The following FAM20B variants were observed in gnomAD, a reference collection of about 807,000 sequenced individuals.
The protein encoded by FAM20B is FAM20B glycosaminoglycan xylosylkinase, also known as glycosaminoglycan xylosylkinase.
Under a neutral mutation model 43.8 loss-of-function variants are expected in FAM20B, and 23 were observed. The observed-to-expected ratio is 0.53, with a 90% CI of 0.38 to 0.74. The LOEUF is 0.74. Among genes scored for constraint, FAM20B ranks in the 30% least tolerant of loss-of-function variants. The pLI is 0.00. For synonymous variants in FAM20B, 178 were observed against 192.4 expected (o/e 0.93, Z 0.62); for missense variants, 440 against 510.5 (o/e 0.86, Z 1.33).
At chr1:179,047,861 G>C (rs929858692) in intron 2 of FAM20B, among the ~76,000 whole-genome samples, 2 of 152,212 alleles carry the variant, frequency 1.3e-5, no homozygotes, top group Non-Finnish European at 2.9e-5. Flanking sequence ...GGCAGTTACT[G>C]TATGAATTTT....
Position 179,070,533 on chromosome 1 carries a change from T to C in FAM20B, c.999-1380T>C, listed in dbSNP as rs1042840159. ...AACTCGCCTTTTTTTTTTTTTTTTT[T>C]TTTTTTTTTGAGATGGAGTCTTGCT... On this transcript the variant is annotated intron_variant, in intron 7 of 7. Transcript: ENST00000263733. Among the ~76,000 whole-genome samples, 35 of 138,962 alleles carry C rather than the reference T, an allele frequency of 2.5e-4. 1 individual carries two copies. In the South Asian group the frequency reaches 7.8e-3, roughly 31 times the overall value. The allele number at this position is 138,962 out of a possible 152,430, so 91.2% of individuals were successfully genotyped here.
chr1:179,037,156 T>G (rs1372473881), intron 1 of FAM20B, among the ~76,000 whole-genome samples: 1 of 152,188 alleles, frequency 6.6e-6, no homozygotes, highest in African/African-American at 2.4e-5. Context: ...AAAATGATTT[T>G]GGCTGCATTA....
At chr1:179,022,374 T>C (rs146777456), upstream of FAM20B, among the ~76,000 whole-genome samples, 4 of 152,186 alleles carry the variant, frequency 2.6e-5, no homozygotes, top group Admixed American at 6.5e-5. Flanking sequence ...CTCGACTTGC[T>C]TGATGTAGAA....
chr1:179,018,163 C>G, the FAM20B span, among the ~76,000 whole-genome samples: 1 of 152,176 alleles, frequency 6.6e-6, no homozygotes, highest in Non-Finnish European at 1.5e-5. Context: ...TCACATGTGC[C>G]TGGGTCCTGG....
At chr1:179,030,019 C>T (rs1649942053) in intron 1 of FAM20B, among the ~76,000 whole-genome samples, 1 of 152,124 alleles carries the variant, frequency 6.6e-6, no homozygotes, top group African/African-American at 2.4e-5. Flanking sequence ...TGTCTTCTTT[C>T]AGTGGTGGAA....
At chr1:179,028,001 GC>G (rs1649859508) in intron 1 of FAM20B, among the ~76,000 whole-genome samples, 1 of 152,028 alleles carries the variant, frequency 6.6e-6, no homozygotes, top group Non-Finnish European at 1.5e-5. Context: ...CTTTCACACA[GC>G]CTTAAAGTTT....
chr1:179,045,412 A>G (rs1650721633), intron 2 of FAM20B, among the ~76,000 whole-genome samples: 2 of 152,156 alleles, frequency 1.3e-5, no homozygotes, highest in Admixed American at 1.3e-4. Flanking sequence ...CTGGAGTGGG[A>G]GAAGAAATGT....
chr1:179,059,333 G>A (rs991608176), intron 4 of FAM20B, among the ~76,000 whole-genome samples: 2 of 152,196 alleles, frequency 1.3e-5, no homozygotes, highest in Non-Finnish European at 2.9e-5. Context: ...AATATGTCAG[G>A]CACTGTGCTA....
intron 1 of FAM20B, among the ~76,000 whole-genome samples, chr1:179,029,246 C>G (rs2102479606): frequency 6.6e-6 from 1 of 152,334 alleles, no homozygotes; most frequent in East Asian, 1.9e-4. Context: ...GCAGTTCCTT[C>G]TTCTACACCT....
In FAM20B at chr1:179,073,842, A is replaced by G. The variant is rs1652032047; in HGVS notation, c.*1698A>G. The G allele has an allele frequency of 6.6e-6, 1 of 152,224 alleles. No individual in the cohort carries two copies. Among genetic ancestry groups the G allele is most frequent in the Non-Finnish European group, 1.5e-5 (1 of 68,040 alleles). 9.4% of individuals were successfully genotyped at this position (152,224 alleles called of 1,614,324 possible). A position where few individuals can be genotyped will look rare whatever the true frequency, so the allele number is the denominator to read the frequency against. On this transcript the variant is annotated 3_prime_UTR_variant, in exon 8 of 8. Coordinates refer to ENST00000263733, the MANE Select transcript of FAM20B (RefSeq NM_014864.4). Reference sequence around the variant, plus strand: ...TCTGGCAAAGTGATCTCAACATGTAAGTAGTTGCAGTAAAACACAGGGGCA... The same window carrying G: ...TCTGGCAAAGTGATCTCAACATGTAGGTAGTTGCAGTAAAACACAGGGGCA...
rs780025166 is a variant in FAM20B at position 179,064,355 on chromosome 1, A to G, written c.797A>G (p.Tyr266Cys). The change falls in exon 6 of 8, where the codon TAT becomes TGT. Residue 266 changes from tyrosine (Y) to cysteine (C), a missense_variant. Transcript: ENST00000263733. ...GATGCTGTGAAGAAAACGTCCCCTTATGACTCTGGCCCGCGCCTCTTGGAC... is the reference window on the plus strand; with the variant it reads ...GATGCTGTGAAGAAAACGTCCCCTTGTGACTCTGGCCCGCGCCTCTTGGAC... ...YCDAVKKTSP[Y>C]DSGPRLLDII... 2 of 1,613,970 alleles carry G rather than the reference A, an allele frequency of 1.2e-6. No homozygotes were observed. The highest frequency in any genetic ancestry group is 1.7e-6 in the Non-Finnish European group (2 of 1,179,942).
At chr1:179,049,874 T>G (rs997902429) in intron 2 of FAM20B, among the ~76,000 whole-genome samples, 13 of 152,130 alleles carry the variant, frequency 8.5e-5, no homozygotes, top group Non-Finnish European at 1.5e-5. Flanking sequence ...TTTTCTTCAT[T>G]TCTTCAGGTC....
intron 1 of FAM20B, among the ~76,000 whole-genome samples, chr1:179,032,331 TTTTTTTTTG>T: frequency 1.4e-5 from 2 of 146,396 alleles, no homozygotes; most frequent in African/African-American, 2.6e-5. Flanking sequence ...TTTTTTTTTT[TTTTTTTTTG>T]AGACAGGATC....
chr1:179,071,638 G>GA (rs1651928500), intron 7 of FAM20B, among the ~76,000 whole-genome samples: 1 of 152,146 alleles, frequency 6.6e-6, no homozygotes, highest in South Asian at 2.1e-4. Flanking sequence ...CCAGTCGTTA[G>GA]ACATTCAGAT....
Position 179,064,005 on chromosome 1 carries a change from A to G in FAM20B, c.653A>G (p.Glu218Gly). ...GCTTGTGCTGATGGAGACATAATGG[A>G]GGGATCTGTCACACTTTGGCTTCCA... The part of the protein sequence containing the change: ...EPACADGDIM[E>G]GSVTLWLPDV... Residue 218 changes from glutamate to glycine, a missense_variant, in exon 5 of 8, where the codon GAG becomes GGG. Glu to Gly is a moderately conservative substitution (Grantham distance 98). Transcript: ENST00000263733. 1.9e-6 allele frequency: 3 copies of G among 1,613,770 alleles called. No homozygotes were observed. Among genetic ancestry groups the G allele is most frequent in the Non-Finnish European group, 2.5e-6 (3 of 1,179,670 alleles).
At chr1:179,020,725 A>G in the FAM20B span, among the ~76,000 whole-genome samples, 1 of 152,188 alleles carries the variant, frequency 6.6e-6, no homozygotes, top group African/African-American at 2.4e-5. Context: ...CCTCACCACA[A>G]GACTATTAAA....
chr1:179,018,921 G>C, the FAM20B span, among the ~76,000 whole-genome samples: 1 of 152,214 alleles, frequency 6.6e-6, no homozygotes, highest in Non-Finnish European at 1.5e-5. Context: ...GAGCCAGAGG[G>C]CCGATGGTAT....
chr1:179,027,144 GT>G (rs914041355), intron 1 of FAM20B, among the ~76,000 whole-genome samples: 45 of 152,084 alleles, frequency 3.0e-4, no homozygotes, highest in Non-Finnish European at 2.5e-4. Context: ...GGAATGTGGG[GT>G]TTTTTTTAGC....
At position 179,075,400 on chromosome 1, in the gene FAM20B, C is replaced by G. The variant is rs548239940; in HGVS notation, c.*3256C>G. The G allele has an allele frequency of 6.6e-6, 1 of 152,236 alleles. No homozygotes were observed. The highest frequency in any genetic ancestry group is 1.9e-4 in the East Asian group (1 of 5,196). 9.4% of individuals were successfully genotyped at this position (152,236 alleles called of 1,614,324 possible). A position where few individuals can be genotyped will look rare whatever the true frequency, so the allele number is the denominator to read the frequency against. On this transcript the variant is annotated 3_prime_UTR_variant, in exon 8 of 8. Transcript: ENST00000263733. ...TCAGAACTCATGGCCATTTCCTGCC[C>G]TCCTCCAACTTGTTAAAACATGTTT... is the stretch of plus-strand genomic sequence containing the variant.
Sources: allele counts gnomAD v4.1 joint callset (sites outside exome capture counted in the v4.1 genomes callset), GRCh38; gene constraint gnomAD v4.1.1; transcripts MANE v1.5; gene names NCBI Gene and HGNC (gene_info 2026-07-23, HGNC 2026-07-21).